CHD4: variants seen among roughly 807,000 people sequenced by gnomAD.
CHD4 encodes chromodomain helicase DNA binding protein 4.
CHD4 carries 35 observed loss-of-function variants against 235.5 expected under a neutral mutation model. The observed-to-expected ratio is 0.15, with a 90% CI of 0.11 to 0.20. The LOEUF (loss-of-function observed/expected upper bound fraction) is 0.20, where lower values mean the gene tolerates loss of function less well. Ranked by LOEUF, CHD4 falls within the 10% of genes least tolerant of loss-of-function variation. CHD4 has a pLI of 1.00. For synonymous variants in CHD4, 900 were observed against 850.2 expected (o/e 1.06, Z -1.02); for missense variants, 1,329 against 2,432.3 (o/e 0.55, Z 9.54).
intron 13 of CHD4, 112 bp downstream of exon 13, chr12:6,595,894 G>T (rs1948484955): frequency 1.7e-6 from 2 of 1,206,692 alleles, no homozygotes; most frequent in Non-Finnish European, 2.3e-6. Flanking sequence ...GAAGTCGGAG[G>T]TTGCAGTGAG....
chr12:6,602,156 T>A lies in CHD4; in HGVS notation c.242A>T (p.Gln81Leu). The A allele has an allele frequency of 6.2e-7, 1 of 1,613,902 alleles. No individual in the cohort carries two copies. The highest frequency in any genetic ancestry group is 8.5e-7 in the Non-Finnish European group (1 of 1,179,960). ...QKKERMLLCR[Q>L]LGDSSGEGPE... Reference sequence around the variant, plus strand: ...CCCCTCCCCAGAGCTGTCCCCCAGCTGCCGGCATAAGAGCATACGCTGGAG... The same window carrying A: ...CCCCTCCCCAGAGCTGTCCCCCAGCAGCCGGCATAAGAGCATACGCTGGAG... The change falls in exon 4 of 40, where the codon CAG becomes CTG. Residue 81 changes from glutamine (Q) to leucine (L), a missense_variant. Around this residue, in one of 26 missense-constraint regions of CHD4, gnomAD observed 213 missense variants for 177.5 expected, o/e 1.20. Coordinates refer to ENST00000544040, the MANE Select transcript of CHD4 (RefSeq NM_001273.5).
intron 37 of CHD4, among the ~76,000 whole-genome samples, chr12:6,573,979 C>T (rs575064684): frequency 2.8e-4 from 43 of 151,936 alleles, no homozygotes; most frequent in African/African-American, 7.0e-4. Context: ...GCCAGGATCG[C>T]GCCACTACAC....
intron 2 of CHD4, among the ~76,000 whole-genome samples, chr12:6,604,247 C>T (rs1410083575): frequency 1.3e-5 from 2 of 152,144 alleles, no homozygotes; most frequent in Non-Finnish European, 2.9e-5. Flanking sequence ...GCACTCCAAC[C>T]TTGGCGACAG....
At position 6,592,545 on chromosome 12, in the gene CHD4, C is replaced by T; in HGVS notation, c.2796G>A (p.Glu932=). The T allele has an allele frequency of 6.3e-7, 1 of 1,590,438 alleles. No individual in the cohort carries two copies. The highest frequency in any genetic ancestry group is 1.1e-5 in the South Asian group (1 of 88,678). The stretch of plus-strand genomic sequence containing the variant: ...CCTCCTTGGCAATGTCAGCAAACTC[C>T]TCCAAAAAACCTTCCAAATTGCTTC... ...ERFHNLEGFL[E]EFADIAKEDQ... The change falls in exon 19 of 40, where the codon GAG becomes GAA. Residue 932 remains glutamate, a synonymous_variant. Transcript: ENST00000544040.
chr12:6,581,218 G>A, intron 32 of CHD4, 45 bp from the exon 33 acceptor site: 1 of 1,612,702 alleles, frequency 6.2e-7, no homozygotes, highest in Non-Finnish European at 8.5e-7. Context: ...GAAGCAGACA[G>A]GCCAGCAACT....
At chr12:6,598,160 G>C in intron 11 of CHD4, 61 bp from the exon 12 acceptor site, 1 of 1,610,536 alleles carries the variant, frequency 6.2e-7, no homozygotes, top group Non-Finnish European at 8.5e-7. Context: ...CTATCCACAA[G>C]GCTCTTTTGT....
chr12:6,576,213 T>C (rs1443477844), intron 37 of CHD4, among the ~76,000 whole-genome samples: 3 of 152,066 alleles, frequency 2.0e-5, no homozygotes, highest in African/African-American at 7.2e-5. Context: ...AAAAATTAGC[T>C]GGGCGTGGTG....
At position 6,602,300 on chromosome 12, in the gene CHD4, C is replaced by T. The variant is rs145681539; in HGVS notation, c.222+76G>A. The T allele has an allele frequency of 1.2e-4, 199 of 1,603,980 alleles. 1 individual carries two copies. In the Middle Eastern group the frequency reaches 1.7e-3, roughly 13 times the overall value. On this transcript the variant is annotated intron_variant, in intron 3 of 39. Coordinates refer to ENST00000544040, the MANE Select transcript of CHD4 (RefSeq NM_001273.5). ...ACCACTTCTGAGAAAGAAACAAATGCCCTCAGCCCTTCAACCCTTCTCAGA... is the reference window on the plus strand; with the variant it reads ...ACCACTTCTGAGAAAGAAACAAATGTCCTCAGCCCTTCAACCCTTCTCAGA...
At chr12:6,588,158 C>T (rs1206651830) in intron 23 of CHD4, 140 bp downstream of exon 23, 2 of 1,275,580 alleles carry the variant, frequency 1.6e-6, no homozygotes, top group African/African-American at 1.5e-5. Context: ...CTCTGGCTTA[C>T]AATAAGGTAA....
chr12:6,600,760 C>G (rs1948575986), intron 7 of CHD4, 91 bp from the exon 8 acceptor site: 2 of 1,545,066 alleles, frequency 1.3e-6, no homozygotes, highest in African/African-American at 2.7e-5. Flanking sequence ...CTGGGGACAC[C>G]AGAATCCCAG....
rs1948593431 is a variant in CHD4, at chr12:6,601,666, G to A, written c.539C>T (p.Ala180Val). Residue 180 changes from alanine to valine, a missense_variant, in exon 5 of 40, where the codon GCC (alanine) becomes GTC (valine). Ala to Val is a moderately conservative substitution (Grantham distance 64). Transcript: ENST00000544040. ...GTTTTACCTGACAAACTGGCTGAAG[G>A]CCTTGTAGTTGGTGAGGGTTCGATA... ...EDYRTLTNYKAFSQFVRPLIA... is the reference protein window; with the variant it reads ...EDYRTLTNYKVFSQFVRPLIA... 1.9e-6 allele frequency: 3 copies of A among 1,614,130 alleles called. No individual in the cohort carries two copies. Among genetic ancestry groups the A allele is most frequent in the Non-Finnish European group, 2.5e-6 (3 of 1,179,986 alleles).
rs1948471473 is a variant in CHD4 at position 6,595,435 on chromosome 12, A to AG, written c.2025-6dup. The AG allele has an allele frequency of 1.2e-6, 2 of 1,613,118 alleles. No homozygotes were observed. The highest frequency in any genetic ancestry group is 3.3e-5 in the Admixed American group (2 of 59,954). ...TCCTCACCCCTCATTAACTCCCTAA[A>AG]GAAGAAAGACATCACACAGCTGCCC... On this transcript the variant is annotated splice_polypyrimidine_tract_variant and splice_region_variant and intron_variant, in intron 13 of 39. Transcript: ENST00000544040.
Position 6,593,332 on chromosome 12 carries a change from T to C in CHD4, c.2514+84A>G. The stretch of plus-strand genomic sequence containing the variant: ...CTCCTCCCAGGGTTACCCTTTTGCC[T>C]CACCAGGGACCAGATCACAAGGAGG... On this transcript the variant is annotated intron_variant, in intron 16 of 39. Transcript: ENST00000544040. The surrounding 1 kb of genome is among the most constrained non-coding windows in gnomAD (Gnocchi z 4.9). 3.8e-6 allele frequency: 6 copies of C among 1,597,512 alleles called. No homozygotes were observed. The highest frequency in any genetic ancestry group is 5.1e-6 in the Non-Finnish European group (6 of 1,166,946).
rs776080022 is a variant in CHD4 at position 6,581,766 on chromosome 12, C to A, written c.4564G>T (p.Ala1522Ser). The A allele has an allele frequency of 2.5e-6, 4 of 1,586,830 alleles. No homozygotes were observed. Among genetic ancestry groups the A allele is most frequent in the Non-Finnish European group, 3.4e-6 (4 of 1,166,074 alleles). Reference protein sequence around the residue: ...VNGRWSMPELAEVEENKKMSQ... With the variant: ...VNGRWSMPELSEVEENKKMSQ... ...ATCTTCTTGTTTTCCTCCACCTCAGCCAGTTCAGGCATGCTCCAGCGCCCA... is the reference window on the plus strand; with the variant it reads ...ATCTTCTTGTTTTCCTCCACCTCAGACAGTTCAGGCATGCTCCAGCGCCCA... Residue 1522 changes from alanine to serine, a missense_variant, in exon 31 of 40, where the codon GCT becomes TCT. Coordinates refer to ENST00000544040, the MANE Select transcript of CHD4 (RefSeq NM_001273.5).
chr12:6,600,538 C>A lies in CHD4; in HGVS notation c.1059G>T (p.Lys353Asn), dbSNP rs867213835. ...ATATACAGAAGAGAAACACACCTTTCTTTTTCTTTTTAGTGGTTCGGAGTT... is the reference window on the plus strand; with the variant it reads ...ATATACAGAAGAGAAACACACCTTTATTTTTCTTTTTAGTGGTTCGGAGTT... ...RKKLRTTKKK[K>N]KGEEEVTAVD... Residue 353 changes from lysine (K) to asparagine (N), a missense_variant, in exon 8 of 40, where the codon AAG becomes AAT. This residue lies in a region of CHD4 where 160 missense variants were observed against 196.6 expected (regional missense o/e 0.81). Transcript: ENST00000544040. 6.3e-7 allele frequency: 1 copy of A among 1,581,330 alleles called. No individual in the cohort carries two copies. The highest frequency in any genetic ancestry group is 1.4e-5 in the African/African-American group (1 of 73,350).
chr12:6,583,630 G>A (rs2136204141), intron 25 of CHD4: 1 of 432,416 alleles, frequency 2.3e-6, no homozygotes, highest in South Asian at 6.1e-5. Flanking sequence ...AGGTAAGGAT[G>A]AAGAGACAGA....
At chr12:6,597,748 G>C in intron 12 of CHD4, 146 bp downstream of exon 12, 1 of 707,988 alleles carries the variant, frequency 1.4e-6, no homozygotes, top group East Asian at 2.6e-5. Context: ...CCTGGGCACA[G>C]AGTGAGACTC....
intron 25 of CHD4, among the ~76,000 whole-genome samples, chr12:6,585,165 C>A (rs1323456180): frequency 6.6e-6 from 1 of 152,160 alleles, no homozygotes. Context: ...CCATTTCATA[C>A]CCCTCTATAT....
chr12:6,606,353 G>A lies in CHD4; in HGVS notation c.21C>T (p.Ser7=), dbSNP rs770959943. 6.4e-6 allele frequency: 10 copies of A among 1,571,396 alleles called. No individual in the cohort carries two copies. Among genetic ancestry groups the A allele is most frequent in the Admixed American group, 3.9e-5 (2 of 51,858 alleles). The change falls in exon 2 of 40, where the codon TCC becomes TCT. Residue 7 remains serine (S), a synonymous_variant. Transcript: ENST00000544040. Reference sequence around the variant, plus strand: ...CACTGCCCGCCGAGCAGGGGGACGGGGAGCCCAGGCCCGACGCCATCCCCT... The same window carrying A: ...CACTGCCCGCCGAGCAGGGGGACGGAGAGCCCAGGCCCGACGCCATCCCCT... MASGLG[S]PSPCSAGSEE...
Sources: gnomAD v4.1 joint callset for allele counts (sites outside exome capture counted in the v4.1 genomes callset) on GRCh38, gnomAD v4.1.1 for gene constraint, gnomAD v4.1.1 regional missense constraint, Gnocchi (gnomAD v3.1) non-coding constraint, MANE v1.5 for transcripts, NCBI Gene and HGNC (gene_info 2026-07-23, HGNC 2026-07-21) for gene names.